The following LOC112694756 variants were observed in gnomAD, a reference collection of about 807,000 sequenced individuals.
At chr16:30,067,206 G>A in the LOC112694756 span, 2 of 1,612,036 alleles carry the variant, frequency 1.2e-6, no homozygotes, top group Middle Eastern at 2.2e-4. Context: ...TAGCTAACTA[G>A]TCCTTCCCCT....
the LOC112694756 span, chr16:30,069,317 G>A: frequency 2.8e-5 from 45 of 1,614,072 alleles, no homozygotes; most frequent in Non-Finnish European, 3.4e-5. Context: ...ATGGCATTGT[G>A]CCCATCGTGG....
the LOC112694756 span, chr16:30,069,824 C>T: frequency 6.2e-7 from 1 of 1,614,080 alleles, no homozygotes; most frequent in Non-Finnish European, 8.5e-7. Flanking sequence ...CACCCCTGCT[C>T]TACAGGGATC....
chr16:30,062,455 C>A, the LOC112694756 span, among the ~76,000 whole-genome samples: 1 of 150,756 alleles, frequency 6.6e-6, no homozygotes, highest in Non-Finnish European at 1.5e-5. Flanking sequence ...TCGCTTGAAC[C>A]CAGGAGGCGG....
the LOC112694756 span, chr16:30,067,022 A>C: frequency 6.3e-7 from 1 of 1,575,488 alleles, no homozygotes; most frequent in South Asian, 1.2e-5. Context: ...ACCCAGCACC[A>C]GACAGAGTTA....
At chr16:30,063,021 T>A in the LOC112694756 span, among the ~76,000 whole-genome samples, 1 of 151,652 alleles carries the variant, frequency 6.6e-6, no homozygotes, top group Non-Finnish European at 1.5e-5. Flanking sequence ...GGCTCACGCC[T>A]GTAGTTCAGC....
chr16:30,064,349 G>C, the LOC112694756 span: 1 of 398,804 alleles, frequency 2.5e-6, no homozygotes, highest in Non-Finnish European at 4.4e-6. Context: ...GGAGGAGGGA[G>C]ATTAGAGAAG....
At chr16:30,058,652 A>AT in the LOC112694756 span, among the ~76,000 whole-genome samples, 3 of 151,496 alleles carry the variant, frequency 2.0e-5, no homozygotes, top group African/African-American at 4.9e-5. Flanking sequence ...CACCTGGCTA[A>AT]TTTTTTGTAT....
the LOC112694756 span, chr16:30,054,915 G>GAACTAA: frequency 2.5e-6 from 1 of 399,132 alleles, no homozygotes; most frequent in Non-Finnish European, 4.4e-6. Context: ...TGCTGACTAG[G>GAACTAA]AACTGCCTGC....
At chr16:30,055,747 T>A in the LOC112694756 span, among the ~76,000 whole-genome samples, 1 of 152,134 alleles carries the variant, frequency 6.6e-6, no homozygotes, top group African/African-American at 2.4e-5. Flanking sequence ...TGTTTTTTTT[T>A]CTTTCCTCCC....
chr16:30,054,512 A>C, the LOC112694756 span: 4 of 284,350 alleles, frequency 1.4e-5, no homozygotes, highest in Non-Finnish European at 2.6e-5. Flanking sequence ...AGTCAGAGAC[A>C]AGAGATCTCT....
chr16:30,065,277 G>C, the LOC112694756 span, among the ~76,000 whole-genome samples: 2 of 152,248 alleles, frequency 1.3e-5, no homozygotes, highest in Non-Finnish European at 2.9e-5. Context: ...TCAGCCCGCG[G>C]GCGAGGCAGG....
At chr16:30,057,134 T>A in the LOC112694756 span, among the ~76,000 whole-genome samples, 7 of 152,088 alleles carry the variant, frequency 4.6e-5, no homozygotes, top group East Asian at 1.4e-3. Flanking sequence ...GGTCTCGAAC[T>A]CCCGACCTCA....
the LOC112694756 span, among the ~76,000 whole-genome samples, chr16:30,053,957 G>A: frequency 6.6e-6 from 1 of 152,138 alleles, no homozygotes; most frequent in African/African-American, 2.4e-5. Flanking sequence ...AAGCCCAGGA[G>A]CTCGAGGCTG....
chr16:30,069,325 T>C, the LOC112694756 span: 2 of 1,614,216 alleles, frequency 1.2e-6, no homozygotes, highest in East Asian at 2.2e-5. Flanking sequence ...GTGCCCATCG[T>C]GGAGCCTGAG....
At chr16:30,067,203 C>G in the LOC112694756 span, 1 of 1,611,968 alleles carries the variant, frequency 6.2e-7, no homozygotes, top group Non-Finnish European at 8.5e-7. Flanking sequence ...CCCTAGCTAA[C>G]TAGTCCTTCC....
the LOC112694756 span, chr16:30,068,449 G>A: frequency 1.5e-6 from 1 of 669,900 alleles, no homozygotes; most frequent in Non-Finnish European, 2.7e-6. Context: ...AAATGTGGGG[G>A]AAGACTGGGG....
At chr16:30,063,068 G>C in the LOC112694756 span, among the ~76,000 whole-genome samples, 3 of 151,616 alleles carry the variant, frequency 2.0e-5, no homozygotes, top group African/African-American at 7.3e-5. Flanking sequence ...TTGAACCCAG[G>C]AGGTGGAGGT....
At chr16:30,063,871 C>T in the LOC112694756 span, 3 of 399,056 alleles carry the variant, frequency 7.5e-6, no homozygotes, top group Non-Finnish European at 8.8e-6. Context: ...CTCTGGGGAG[C>T]GGCCAGCCCC....
the LOC112694756 span, among the ~76,000 whole-genome samples, chr16:30,063,382 G>A: frequency 1.3e-5 from 2 of 152,044 alleles, no homozygotes; most frequent in Non-Finnish European, 2.9e-5. Context: ...CACAGACCCC[G>A]GGACTGTAGC....
Sources: gnomAD v4.1 joint callset for allele counts (sites outside exome capture counted in the v4.1 genomes callset) on GRCh38, gnomAD v4.1.1 for gene constraint, MANE v1.5 for transcripts.